Variants in APBB2 observed in about 807,000 individuals in gnomAD.
The protein encoded by APBB2 is amyloid beta precursor protein binding family B member 2.
Under a neutral mutation model 82.5 loss-of-function variants are expected in APBB2, and 38 were observed. The ratio of observed to expected loss-of-function variants is 0.46; its 90% CI spans 0.36 to 0.60. The LOEUF (loss-of-function observed/expected upper bound fraction) is 0.60, where lower values mean the gene tolerates loss of function less well. APBB2 is among the 20% of genes least tolerant of loss of function. The pLI is 0.00. For synonymous variants in APBB2, 341 were observed against 368.2 expected, an observed-to-expected ratio of 0.93 and a Z score of 0.85; for missense variants, 772 against 972.3, an observed-to-expected ratio of 0.79 and a Z score of 2.74.
intron 1 of APBB2, among the ~76,000 whole-genome samples, chr4:41,179,701 T>C (rs143066229): frequency 1.7e-3 from 265 of 152,344 alleles, no homozygotes; most frequent in Non-Finnish European, 3.0e-3. Context: ...TACTGCCGTA[T>C]TAATACTCCC....
chr4:40,954,285 A>G (rs1790997102), intron 6 of APBB2, among the ~76,000 whole-genome samples: 1 of 152,204 alleles, frequency 6.6e-6, no homozygotes. Flanking sequence ...GGTCTGTACT[A>G]CAGAGCACAA....
rs903492546 is a variant in APBB2, at chr4:40,850,945, C to CA, written c.1530-20369dup. Among the ~76,000 whole-genome samples the CA allele has an allele frequency of 8.0e-5, 12 of 150,348 alleles. No individual in the cohort carries two copies. In the East Asian group the frequency reaches 1.2e-3, roughly 15 times the overall value. ...TGGGTAACTGAGTGAGACCCCGTCT[C>CA]AAAAAAAAAATTTTTTTTTAAAACT... On this transcript the variant is annotated intron_variant, in intron 12 of 17. Transcript: ENST00000508593.
intron 12 of APBB2, among the ~76,000 whole-genome samples, chr4:40,863,290 A>AT (rs1227998068): frequency 6.6e-6 from 1 of 152,244 alleles, no homozygotes; most frequent in Non-Finnish European, 1.5e-5. Context: ...TCTGAGGGTC[A>AT]TATCACAACA....
At chr4:40,830,343 T>A (rs1459338062) in intron 13 of APBB2, 120 bp downstream of exon 13, 7 of 678,388 alleles carry the variant, frequency 1.0e-5, no homozygotes, top group Non-Finnish European at 1.6e-5. Flanking sequence ...CTGAACAATC[T>A]GCCTACTTCT....
chr4:40,976,672 C>T (rs1035724540), intron 6 of APBB2, among the ~76,000 whole-genome samples: 3 of 152,134 alleles, frequency 2.0e-5, no homozygotes, highest in Non-Finnish European at 4.4e-5. Flanking sequence ...ATCTGTTAAG[C>T]AATAGATCCT....
chr4:41,032,816 G>T (rs1373236212), intron 5 of APBB2, among the ~76,000 whole-genome samples: 1 of 88,402 alleles, frequency 1.1e-5, no homozygotes, highest in Non-Finnish European at 2.1e-5. Context: ...ACGGAGTTTC[G>T]CTCTGTCGCC....
At chr4:41,022,070 C>T (rs1223673203) in intron 5 of APBB2, among the ~76,000 whole-genome samples, 1 of 152,146 alleles carries the variant, frequency 6.6e-6, no homozygotes, top group Non-Finnish European at 1.5e-5. Flanking sequence ...CGGCAAGGGT[C>T]CGTGGCTTCA....
chr4:41,045,102 T>C (rs1204233137), intron 4 of APBB2, among the ~76,000 whole-genome samples: 1 of 152,140 alleles, frequency 6.6e-6, no homozygotes, highest in Admixed American at 6.5e-5. Flanking sequence ...TAGTTGATTT[T>C]GTGCTCCTTC....
chr4:40,992,359 G>GA (rs1802348984), intron 6 of APBB2, among the ~76,000 whole-genome samples: 3 of 22,476 alleles, frequency 1.3e-4, no homozygotes, highest in Non-Finnish European at 9.0e-4. Context: ...TTTTGGTAGA[G>GA]ATGGGGGGGG....
At chr4:41,198,654 GGCT>G in intron 1 of APBB2, among the ~76,000 whole-genome samples, 8 of 152,102 alleles carry the variant, frequency 5.3e-5, no homozygotes, top group Non-Finnish European at 1.0e-4. Flanking sequence ...AGTGTCCTGT[GGCT>G]GCTGTAAGAA....
At chr4:41,210,798 A>C (rs1219933780) in intron 1 of APBB2, among the ~76,000 whole-genome samples, 1 of 152,258 alleles carries the variant, frequency 6.6e-6, no homozygotes, top group African/African-American at 2.4e-5. Context: ...GAATCAATTA[A>C]AGATATTTTC....
chr4:41,087,462 C>T (rs1005943947), intron 3 of APBB2, among the ~76,000 whole-genome samples: 8 of 152,120 alleles, frequency 5.3e-5, no homozygotes, highest in Non-Finnish European at 1.2e-4. Context: ...TGGAGTCTTG[C>T]TCTCTCACCC....
intron 6 of APBB2, among the ~76,000 whole-genome samples, chr4:40,982,494 A>G (rs1179411033): frequency 6.6e-6 from 1 of 151,908 alleles, no homozygotes; most frequent in Non-Finnish European, 1.5e-5. Context: ...TGGGCAATGT[A>G]GCAAAACCAG....
chr4:41,189,491 A>C (rs984034469), intron 1 of APBB2, among the ~76,000 whole-genome samples: 1 of 152,192 alleles, frequency 6.6e-6, no homozygotes, highest in Non-Finnish European at 1.5e-5. Flanking sequence ...TTAATGTAAA[A>C]GGTTAATGGG....
At chr4:40,827,105 T>G (rs1178482338) in intron 14 of APBB2, 27 bp downstream of exon 14, 1 of 1,607,058 alleles carries the variant, frequency 6.2e-7, no homozygotes. Flanking sequence ...AGGGCCATAA[T>G]GAAGACATGA....
chr4:40,857,163 G>A, intron 12 of APBB2: 1 of 985,416 alleles, frequency 1.0e-6, no homozygotes, highest in Non-Finnish European at 1.2e-6. Flanking sequence ...GTTGAAGAGA[G>A]CGGCGCCCGC....
At chr4:41,086,920 CCACACA>C (rs140593111) in intron 3 of APBB2, among the ~76,000 whole-genome samples, 9,953 of 38,620 alleles carry the variant, frequency 0.26, 516 homozygotes, top group East Asian at 0.46. Flanking sequence ...CTTAAAAATT[CCACACA>C]CACACACACA....
intron 10 of APBB2, among the ~76,000 whole-genome samples, chr4:40,906,208 G>C (rs1373081394): frequency 6.6e-6 from 1 of 152,004 alleles, no homozygotes; most frequent in East Asian, 1.9e-4. Flanking sequence ...TATAATCCCA[G>C]CACTTTGGGA....
intron 12 of APBB2, among the ~76,000 whole-genome samples, chr4:40,875,337 A>G (rs1766617124): frequency 6.6e-6 from 1 of 152,242 alleles, no homozygotes; most frequent in Non-Finnish European, 1.5e-5. Flanking sequence ...ATGTCACAGT[A>G]GAGCAACACT....
Sources: gnomAD v4.1 joint callset for allele counts (sites outside exome capture counted in the v4.1 genomes callset) on GRCh38, gnomAD v4.1.1 for gene constraint, MANE v1.5 for transcripts, NCBI Gene and HGNC (gene_info 2026-07-23, HGNC 2026-07-21) for gene names.